CNTNAP2: variants seen among roughly 807,000 people sequenced by gnomAD.
CNTNAP2 encodes the protein contactin-associated protein-like 2.
A neutral mutation model predicts 155.2 loss-of-function variants in CNTNAP2; 98 were observed. The ratio of observed to expected loss-of-function variants is 0.63; its 90% CI spans 0.54 to 0.75. The LOEUF is 0.75. CNTNAP2 is among the 30% of genes least tolerant of loss of function. The probability of loss-of-function intolerance (pLI) is 0.00; values close to 1 mark genes in which losing one functional copy is unlikely to be tolerated. For synonymous variants in CNTNAP2, 651 were observed against 631.2 expected (o/e 1.03, Z -0.47); for missense variants, 1,727 against 1,688.1 (o/e 1.02, Z -0.40).
chr7:148,082,521 C>T (rs1028229614), intron 15 of CNTNAP2, among the ~76,000 whole-genome samples: 9 of 152,140 alleles, frequency 5.9e-5, no homozygotes, highest in Non-Finnish European at 1.3e-4. Context: ...ACGCAAAAGG[C>T]ATCAAATAAA....
At chr7:148,080,738 A>G (rs960136872) in intron 15 of CNTNAP2, among the ~76,000 whole-genome samples, 1 of 152,154 alleles carries the variant, frequency 6.6e-6, no homozygotes, top group Non-Finnish European at 1.5e-5. Flanking sequence ...TGCATATTTT[A>G]TCTAGGAACA....
rs62503488 is a variant in CNTNAP2, at chr7:146,409,927, T to G, written c.97+292954T>G. On this transcript the variant is annotated intron_variant, in intron 1 of 23. Coordinates refer to ENST00000361727, the MANE Select transcript of CNTNAP2 (RefSeq NM_014141.6). ...AGGGCAGTGGGGTGGATGCAATGACTTTCAAGGTCCTTCTGACTTGGTCTT... is the reference window on the plus strand; with the variant it reads ...AGGGCAGTGGGGTGGATGCAATGACGTTCAAGGTCCTTCTGACTTGGTCTT... Among the ~76,000 whole-genome samples the G allele has an allele frequency of 7.0e-3, 1,065 of 152,316 alleles. 10 individuals are homozygous for G. The highest frequency in any genetic ancestry group is 0.013 in the Non-Finnish European group (894 of 68,034).
intron 12 of CNTNAP2, among the ~76,000 whole-genome samples, chr7:147,585,019 G>T (rs1800590390): frequency 6.6e-6 from 1 of 152,142 alleles, no homozygotes; most frequent in Non-Finnish European, 1.5e-5. Context: ...GGGTCTGCTA[G>T]GGCACATCAG....
intron 21 of CNTNAP2, among the ~76,000 whole-genome samples, chr7:148,331,724 T>TGGATGGATAGACAGATGGAG (rs1563045945): frequency 3.4e-5 from 1 of 29,694 alleles, no homozygotes; most frequent in Admixed American, 3.3e-4. Flanking sequence ...GACGGATGGA[T>TGGATGGATAGACAGATGGAG]TGGATGGATG....
At chr7:147,390,604 T>G (rs148612508) in intron 9 of CNTNAP2, among the ~76,000 whole-genome samples, 1 of 152,174 alleles carries the variant, frequency 6.6e-6, no homozygotes, top group Non-Finnish European at 1.5e-5. Context: ...CCTAGGTGCC[T>G]CTCCATCTTA....
chr7:148,192,782 A>G (rs1157348027), intron 18 of CNTNAP2, among the ~76,000 whole-genome samples: 1 of 152,238 alleles, frequency 6.6e-6, no homozygotes, highest in Non-Finnish European at 1.5e-5. Context: ...CTCAAAGTTC[A>G]GCAATTCCTT....
At position 147,469,685 on chromosome 7, in the gene CNTNAP2, A is replaced by AT. The variant is rs1471772527; in HGVS notation, c.1671-16244dup. On this transcript the variant is annotated intron_variant, in intron 10 of 23. Transcript: ENST00000361727. Reference sequence around the variant, plus strand: ...AGGCGCCCGCCACCACGCCTGGCTAATTTTTTGTGTTTTTAGTGGAGACGG... The same window carrying AT: ...AGGCGCCCGCCACCACGCCTGGCTAATTTTTTTGTGTTTTTAGTGGAGACGG... 9.9e-5 allele frequency among the ~76,000 whole-genome samples: 15 copies of AT among 151,472 alleles called. No individual in the cohort carries two copies. In the East Asian group the frequency reaches 2.9e-3, roughly 30 times the overall value.
rs569151098 is a variant in CNTNAP2, at chr7:146,994,815, GA to G, written c.403-49090del. Among the ~76,000 whole-genome samples, 10 of 152,062 alleles carry G rather than the reference GA, an allele frequency of 6.6e-5. No individual in the cohort carries two copies. The South Asian group carries it at 2.1e-3, about 32-fold the overall frequency. ...TTTTCTCATTGTGGATGTTTTTGGT[GA>G]ACAAATACATTACTTCACAGTTATT... On this transcript the variant is annotated intron_variant, in intron 3 of 23. Transcript: ENST00000361727.
At chr7:146,721,502 A>G (rs1402775197) in intron 1 of CNTNAP2, among the ~76,000 whole-genome samples, 1 of 129,446 alleles carries the variant, frequency 7.7e-6, no homozygotes, top group Non-Finnish European at 1.5e-5. Flanking sequence ...TTCTATATAT[A>G]TTCTATATAT....
intron 1 of CNTNAP2, among the ~76,000 whole-genome samples, chr7:146,401,474 A>G (rs1192368415): frequency 1.3e-5 from 2 of 152,176 alleles, no homozygotes; most frequent in African/African-American, 2.4e-5. Context: ...TTTCCCCGGC[A>G]TAATATTTTG....
intron 13 of CNTNAP2, among the ~76,000 whole-genome samples, chr7:147,793,226 G>T (rs1450749985): frequency 6.6e-6 from 1 of 151,920 alleles, no homozygotes; most frequent in African/African-American, 2.4e-5. Context: ...TTTGTTGCTT[G>T]TGCTTAAGTA....
At chr7:148,192,183 C>A (rs1456432299) in intron 18 of CNTNAP2, among the ~76,000 whole-genome samples, 2 of 152,122 alleles carry the variant, frequency 1.3e-5, no homozygotes, top group Non-Finnish European at 2.9e-5. Flanking sequence ...GCATGGATTA[C>A]ATAGTGGTGA....
chr7:148,155,940 T>TCCATCC (rs1472249322), intron 17 of CNTNAP2, among the ~76,000 whole-genome samples: 17 of 152,086 alleles, frequency 1.1e-4, no homozygotes, highest in African/African-American at 3.9e-4. Context: ...TGCAGGAGAA[T>TCCATCC]CCATCCCAAG....
At chr7:147,985,146 A>ATAAATAAATAAC (rs1297213030) in intron 15 of CNTNAP2, among the ~76,000 whole-genome samples, 3 of 146,826 alleles carry the variant, frequency 2.0e-5, no homozygotes, top group African/African-American at 7.5e-5. Flanking sequence ...AAATAAATAA[A>ATAAATAAATAAC]TAACTATTTA....
At chr7:147,004,366 A>C (rs1798486050) in intron 3 of CNTNAP2, among the ~76,000 whole-genome samples, 1 of 152,004 alleles carries the variant, frequency 6.6e-6, no homozygotes, top group Non-Finnish European at 1.5e-5. Flanking sequence ...TTCTAAAAAT[A>C]AACCAGAAAA....
chr7:147,030,998 TCTTCA>T (rs1218833468), intron 3 of CNTNAP2, among the ~76,000 whole-genome samples: 8 of 152,340 alleles, frequency 5.3e-5, no homozygotes, highest in Non-Finnish European at 1.0e-4. Flanking sequence ...ATAATTTGAC[TCTTCA>T]CTTGGAAGAT....
chr7:146,333,506 T>TA (rs1801220125), intron 1 of CNTNAP2, among the ~76,000 whole-genome samples: 1 of 152,214 alleles, frequency 6.6e-6, no homozygotes, highest in Non-Finnish European at 1.5e-5. Flanking sequence ...TCTTAGACTA[T>TA]AACACACATT....
At chr7:146,899,163 T>C (rs1038342827) in intron 3 of CNTNAP2, among the ~76,000 whole-genome samples, 8 of 152,196 alleles carry the variant, frequency 5.3e-5, no homozygotes, top group Non-Finnish European at 1.2e-4. Flanking sequence ...ATAGATCCAC[T>C]ATCTGCTTTC....
chr7:147,541,564 A>G (rs1287213515), intron 11 of CNTNAP2, among the ~76,000 whole-genome samples: 1 of 152,132 alleles, frequency 6.6e-6, no homozygotes, highest in East Asian at 1.9e-4. Context: ...CTCGCTCCCA[A>G]ATGATGTCAG....
Sources: gnomAD v4.1 joint callset for allele counts (sites outside exome capture counted in the v4.1 genomes callset) on GRCh38, gnomAD v4.1.1 for gene constraint, MANE v1.5 for transcripts, NCBI Gene and HGNC (gene_info 2026-07-23, HGNC 2026-07-21) for gene names.